The following PTPRN2 variants were observed in gnomAD, a reference collection of about 807,000 sequenced individuals.
PTPRN2 encodes protein tyrosine phosphatase receptor type N2.
PTPRN2 carries 74 observed loss-of-function variants against 118.8 expected under a neutral mutation model. The ratio of observed to expected loss-of-function variants is 0.62; its 90% CI spans 0.52 to 0.76. PTPRN2 has a LOEUF of 0.76. Ranked by LOEUF, PTPRN2 falls within the 30% of genes least tolerant of loss-of-function variation. The probability of loss-of-function intolerance (pLI) is 0.00; values close to 1 mark genes in which losing one functional copy is unlikely to be tolerated. For missense variants in PTPRN2, 1,481 were observed against 1,394.4 expected (o/e 1.06, Z -0.99); for synonymous variants, 641 against 608.0 (o/e 1.05, Z -0.80).
Position 157,608,047 on chromosome 7 carries a change from T to C in PTPRN2, c.2345-3972A>G, listed in dbSNP as rs147914592. ...TCGCATATTTGATTTTGTGTCAACATATTGCTTTTGAAATTACCAGCGAAG... is the reference window on the plus strand; with the variant it reads ...TCGCATATTTGATTTTGTGTCAACACATTGCTTTTGAAATTACCAGCGAAG... On this transcript the variant is annotated intron_variant, in intron 15 of 22. Transcript: ENST00000389418. Among the ~76,000 whole-genome samples the C allele has an allele frequency of 1.8e-4, 28 of 152,298 alleles. No homozygotes were observed. The East Asian group carries it at 5.0e-3, about 27-fold the overall frequency.
rs1214018800 is a variant in PTPRN2 at position 158,176,033 on chromosome 7, C to T, written c.550-8742G>A. 6.6e-5 allele frequency among the ~76,000 whole-genome samples: 10 copies of T among 152,168 alleles called. No homozygotes were observed. The South Asian group carries it at 1.2e-3, about 19-fold the overall frequency. ...TCTCAGCCCGCCCTGCTCCGAGACT[C>T]GCAATGCCGTGAGGCCAGCACTGCT... On this transcript the variant is annotated intron_variant, in intron 5 of 22. Transcript: ENST00000389418.
intron 11 of PTPRN2, among the ~76,000 whole-genome samples, chr7:157,943,691 G>A (rs1800288675): frequency 6.7e-6 from 1 of 150,120 alleles, no homozygotes; most frequent in African/African-American, 2.5e-5. Context: ...AGATGCCAAA[G>A]CTCCCAGAGG....
At position 157,621,394 on chromosome 7, in the gene PTPRN2, A is replaced by G; in HGVS notation, c.2312T>C (p.Val771Ala). ...CACGGCCAGGGAGCGGTTCTTGGGC[A>G]CGTTCTCCTCCCTCTGGGCCACGAA... ...SSFVAQREENVPKNRSLAVLT... is the reference protein window; with the variant it reads ...SSFVAQREENAPKNRSLAVLT... The change falls in exon 15 of 23, where the codon GTG becomes GCG. Residue 771 changes from valine to alanine, a missense_variant. By Grantham distance (64) the Val-to-Ala change is moderately conservative. Coordinates refer to ENST00000389418, the MANE Select transcript of PTPRN2 (RefSeq NM_002847.5). 2 of 1,586,136 alleles carry G rather than the reference A, an allele frequency of 1.3e-6. No individual in the cohort carries two copies. The highest frequency in any genetic ancestry group is 1.5e-5 in the African/African-American group (1 of 67,570).
At position 157,990,086 on chromosome 7, in the gene PTPRN2, A is replaced by T. The variant is rs796147809; in HGVS notation, c.1723+91212T>A. On this transcript the variant is annotated intron_variant, in intron 11 of 22. Coordinates refer to ENST00000389418, the MANE Select transcript of PTPRN2 (RefSeq NM_002847.5). The surrounding 1 kb of genome is among the most constrained non-coding windows in gnomAD (Gnocchi z 4.3). Reference sequence around the variant, plus strand: ...CTGCCCTCCATCCCTCTATGAAGAAAAATGCAAGTTGCTCTTCTGCGCTCC... The same window carrying T: ...CTGCCCTCCATCCCTCTATGAAGAATAATGCAAGTTGCTCTTCTGCGCTCC... Among the ~76,000 whole-genome samples, 6 of 152,254 alleles carry T rather than the reference A, an allele frequency of 3.9e-5. No individual in the cohort carries two copies. Among genetic ancestry groups the T allele is most frequent in the African/African-American group, 1.4e-4 (6 of 41,554 alleles).
chr7:158,539,349 C>T (rs1191995324), intron 1 of PTPRN2: 2 of 152,270 alleles, frequency 1.3e-5, no homozygotes, highest in Non-Finnish European at 1.5e-5. Flanking sequence ...CAAAACTGTC[C>T]ACTTGCCTTT....
At chr7:157,850,912 A>AT (rs1184720311) in intron 12 of PTPRN2, among the ~76,000 whole-genome samples, 1 of 152,234 alleles carries the variant, frequency 6.6e-6, no homozygotes, top group Non-Finnish European at 1.5e-5. Context: ...TGCTTTGCAC[A>AT]TTAGGATTTT....
intron 10 of PTPRN2, among the ~76,000 whole-genome samples, chr7:158,085,732 CCCA>C (rs1221602942): frequency 6.8e-6 from 1 of 147,428 alleles, no homozygotes; most frequent in African/African-American, 2.6e-5. Flanking sequence ...CCCATCCACA[CCCA>C]CGACACCCAT....
chr7:157,968,183 C>A (rs887978863), intron 11 of PTPRN2, among the ~76,000 whole-genome samples: 5 of 152,112 alleles, frequency 3.3e-5, no homozygotes, highest in African/African-American at 1.2e-4. Flanking sequence ...TTATGGTTTA[C>A]AAGGCAGCCT....
intron 2 of PTPRN2, among the ~76,000 whole-genome samples, chr7:158,318,190 G>A (rs1802508501): frequency 6.6e-6 from 1 of 152,198 alleles, no homozygotes; most frequent in Non-Finnish European, 1.5e-5. Flanking sequence ...ACCACAGGCG[G>A]GAACACAGGC....
intron 16 of PTPRN2, among the ~76,000 whole-genome samples, chr7:157,599,660 G>A (rs1192941633): frequency 1.3e-5 from 2 of 152,216 alleles, no homozygotes; most frequent in African/African-American, 2.4e-5. Flanking sequence ...CACCCACTGC[G>A]GGGCAGGTGA....
chr7:158,390,226 T>G (rs1811821392), intron 2 of PTPRN2, among the ~76,000 whole-genome samples: 1 of 152,036 alleles, frequency 6.6e-6, no homozygotes, highest in Non-Finnish European at 1.5e-5. Context: ...ACGGCTCTCA[T>G]GGTCACACAG....
In PTPRN2 at chr7:158,556,509, C is replaced by T. The variant is rs111703304; in HGVS notation, c.112+31049G>A. Among the ~76,000 whole-genome samples the T allele has an allele frequency of 8.3e-3, 1,248 of 150,708 alleles. 19 individuals are homozygous for T. The highest frequency in any genetic ancestry group is 0.028 in the African/African-American group (1,155 of 40,934). ...CGGAAGTTGCAGTGAGCCGAGACCA[C>T]ACCACTGCACTCCAGCCTGGGCGAC... On this transcript the variant is annotated intron_variant, in intron 1 of 22. Transcript: ENST00000389418.
chr7:157,834,269 G>A (rs1807784721), intron 12 of PTPRN2, among the ~76,000 whole-genome samples: 1 of 126,052 alleles, frequency 7.9e-6, no homozygotes, highest in African/African-American at 3.5e-5. Flanking sequence ...ACCAATCAGT[G>A]AGCCAGCAGC....
chr7:158,070,348 G>A (rs1214849093), intron 11 of PTPRN2, among the ~76,000 whole-genome samples: 1 of 142,854 alleles, frequency 7.0e-6, no homozygotes, highest in African/African-American at 2.6e-5. Context: ...TGCCCGTGGT[G>A]GTGGAGGTGC....
chr7:158,071,103 TCGTGGTGGTGGAGGTGCC>T (rs1811409178), intron 11 of PTPRN2, among the ~76,000 whole-genome samples: 19 of 39,894 alleles, frequency 4.8e-4, no homozygotes, highest in Non-Finnish European at 8.4e-4. Flanking sequence ...GTGGAGGTGC[TCGTGGTGGTGGAGGTGCC>T]CGTGGTGGTG....
intron 11 of PTPRN2, among the ~76,000 whole-genome samples, chr7:157,994,037 C>T (rs1467099366): frequency 6.6e-6 from 1 of 152,214 alleles, no homozygotes; most frequent in Admixed American, 6.5e-5. Flanking sequence ...TAATTTATCG[C>T]AAAGTCCCTG....
rs142648237 is a variant in PTPRN2, at chr7:158,144,032, G to A, written c.911-5517C>T. The stretch of plus-strand genomic sequence containing the variant: ...CCAGAGAAGGTGACGTGGTCCGTGC[G>A]GGGACAAGTTTGGGACAGAGTTCCA... On this transcript the variant is annotated intron_variant, in intron 6 of 22. Coordinates refer to ENST00000389418, the MANE Select transcript of PTPRN2 (RefSeq NM_002847.5). 2.9e-3 allele frequency among the ~76,000 whole-genome samples: 440 copies of A among 152,290 alleles called. 1 individual carries two copies. The highest frequency in any genetic ancestry group is 9.7e-3 in the African/African-American group (403 of 41,556).
intron 12 of PTPRN2, among the ~76,000 whole-genome samples, chr7:157,792,467 G>A (rs1334354984): frequency 1.3e-5 from 2 of 152,194 alleles, no homozygotes; most frequent in African/African-American, 2.4e-5. Flanking sequence ...CGAGGTCTCC[G>A]CGTCCCAGCA....
At chr7:158,505,312 G>A (rs1822660710) in intron 1 of PTPRN2, among the ~76,000 whole-genome samples, 1 of 152,204 alleles carries the variant, frequency 6.6e-6, no homozygotes, top group Non-Finnish European at 1.5e-5. Context: ...GCGATTTGCT[G>A]CCACCTCCAG....
Sources: gnomAD v4.1 joint callset for allele counts (sites outside exome capture counted in the v4.1 genomes callset) on GRCh38, gnomAD v4.1.1 for gene constraint, Gnocchi (gnomAD v3.1) non-coding constraint, MANE v1.5 for transcripts, NCBI Gene and HGNC (gene_info 2026-07-23, HGNC 2026-07-21) for gene names.